Variants in DLG2 observed in about 807,000 individuals in gnomAD.
DLG2 encodes the protein disks large homolog 2.
A neutral mutation model predicts 132.5 loss-of-function variants in DLG2; 45 were observed. The ratio of observed to expected loss-of-function variants is 0.34; its 90% CI spans 0.27 to 0.44. DLG2 has a LOEUF of 0.44. Among genes scored for constraint, DLG2 ranks in the 20% least tolerant of loss-of-function variants. The pLI is 1.00. For missense variants in DLG2, 1,045 were observed against 1,196.9 expected, an observed-to-expected ratio of 0.87 and a Z score of 1.87; for synonymous variants, 424 against 419.6, an observed-to-expected ratio of 1.01 and a Z score of -0.13.
rs79267070 is a variant in DLG2, at chr11:84,739,188, T to C, written c.358-204457A>G. Among the ~76,000 whole-genome samples the C allele has an allele frequency of 6.2e-3, 938 of 152,300 alleles. 4 individuals carry two copies. The highest frequency in any genetic ancestry group is 0.01 in the Non-Finnish European group (699 of 68,008). ...AAGTTGTATATTTAAAAAAGATTCA[T>C]TTTATTATATGTAAATTCAACTCAA... is the stretch of plus-strand genomic sequence containing the variant. On this transcript the variant is annotated intron_variant, in intron 6 of 27. Transcript: ENST00000376104.
chr11:84,486,777 A>C (rs2099152133), intron 7 of DLG2, among the ~76,000 whole-genome samples: 1 of 152,150 alleles, frequency 6.6e-6, no homozygotes, highest in Non-Finnish European at 1.5e-5. Context: ...CTTTCTAATT[A>C]TACATGCATT....
At chr11:84,244,340 C>T (rs112869488) in intron 8 of DLG2, among the ~76,000 whole-genome samples, 1 of 152,096 alleles carries the variant, frequency 6.6e-6, no homozygotes, top group East Asian at 1.9e-4. Flanking sequence ...CCCACCACCA[C>T]ACCTGGGTAA....
chr11:84,003,874 C>A (rs146204589), intron 11 of DLG2, among the ~76,000 whole-genome samples: 1 of 152,180 alleles, frequency 6.6e-6, no homozygotes. Context: ...AAACATACAA[C>A]CTTCCAAGGT....
At chr11:84,229,417 G>A (rs2097058700) in intron 8 of DLG2, among the ~76,000 whole-genome samples, 1 of 152,064 alleles carries the variant, frequency 6.6e-6, no homozygotes, top group African/African-American at 2.4e-5. Context: ...AGGTCAACAG[G>A]GTCAATATTT....
intron 7 of DLG2, among the ~76,000 whole-genome samples, chr11:84,413,464 GA>G (rs1490213226): frequency 6.6e-6 from 1 of 152,158 alleles, no homozygotes; most frequent in African/African-American, 2.4e-5. Flanking sequence ...TTAAAATACA[GA>G]GACAACACTT....
At chr11:84,656,311 C>T (rs2099688168) in intron 6 of DLG2, among the ~76,000 whole-genome samples, 1 of 152,134 alleles carries the variant, frequency 6.6e-6, no homozygotes, top group Non-Finnish European at 1.5e-5. Context: ...TCTGAAAAGA[C>T]ATCCATTCGA....
chr11:84,402,318 T>C (rs1470564738), intron 7 of DLG2, among the ~76,000 whole-genome samples: 2 of 152,178 alleles, frequency 1.3e-5, no homozygotes, highest in Non-Finnish European at 2.9e-5. Context: ...AGGGCAGTTA[T>C]TGTTAAAGAA....
chr11:85,471,159 G>C (rs1252167807), intron 3 of DLG2, among the ~76,000 whole-genome samples: 1 of 152,174 alleles, frequency 6.6e-6, no homozygotes, highest in Non-Finnish European at 1.5e-5. Flanking sequence ...CATGTAGAAT[G>C]ACTTAGACTC....
At chr11:83,732,968 G>A (rs545372453) in intron 18 of DLG2, among the ~76,000 whole-genome samples, 79 of 152,102 alleles carry the variant, frequency 5.2e-4, no homozygotes, top group Non-Finnish European at 9.6e-4. Context: ...ATGGCTGGGC[G>A]CGACGGCTCA....
chr11:83,954,201 T>G (rs73509841), intron 14 of DLG2, among the ~76,000 whole-genome samples: 2,007 of 152,290 alleles, frequency 0.013, 42 homozygotes, highest in African/African-American at 0.046. Flanking sequence ...AAACAGCAGC[T>G]TAACGTGTTT....
At chr11:83,906,081 C>CTCTCTATA (rs1211208847) in intron 15 of DLG2, among the ~76,000 whole-genome samples, 1 of 96,604 alleles carries the variant, frequency 1.0e-5, no homozygotes, top group African/African-American at 4.4e-5. Flanking sequence ...CTCTCTCTCT[C>CTCTCTATA]TATATATATA....
chr11:85,613,460 T>C (rs138007130), intron 2 of DLG2, among the ~76,000 whole-genome samples: 64 of 152,180 alleles, frequency 4.2e-4, no homozygotes, highest in African/African-American at 1.5e-3. Flanking sequence ...TGTTTAGAGA[T>C]GGGATTGAGA....
chr11:83,789,740 G>T lies in DLG2; in HGVS notation c.1723-2948C>A, dbSNP rs533899451. 2.6e-5 allele frequency among the ~76,000 whole-genome samples: 4 copies of T among 152,236 alleles called. No individual in the cohort carries two copies. The South Asian group carries it at 8.3e-4, about 32-fold the overall frequency. On this transcript the variant is annotated intron_variant, in intron 17 of 27. Coordinates refer to ENST00000376104, the MANE Select transcript of DLG2 (RefSeq NM_001142699.3). The stretch of plus-strand genomic sequence containing the variant: ...TTTTTGTATTTTTAGCAGAGATGGG[G>T]TTTCACCATGTTGGCCAGGATGGTC...
chr11:85,458,884 T>C (rs1055709201), intron 3 of DLG2, among the ~76,000 whole-genome samples: 1 of 152,198 alleles, frequency 6.6e-6, no homozygotes. Flanking sequence ...CTTGGGACTC[T>C]TGGGCAGAAG....
chr11:84,131,319 T>C lies in DLG2; in HGVS notation c.624+32142A>G, dbSNP rs577563084. Among the ~76,000 whole-genome samples, 67 of 152,134 alleles carry C rather than the reference T, an allele frequency of 4.4e-4. No homozygotes were observed. In the South Asian group the frequency reaches 0.014, roughly 31 times the overall value. ...AGATAAAGTTCCAATGTTCTAATGGTAAATATGCCATAGCATCTTCTAAAG... is the reference window on the plus strand; with the variant it reads ...AGATAAAGTTCCAATGTTCTAATGGCAAATATGCCATAGCATCTTCTAAAG... On this transcript the variant is annotated intron_variant, in intron 9 of 27. Coordinates refer to ENST00000376104, the MANE Select transcript of DLG2 (RefSeq NM_001142699.3).
At chr11:85,477,193 G>A (rs1312819347) in intron 3 of DLG2, among the ~76,000 whole-genome samples, 1 of 152,046 alleles carries the variant, frequency 6.6e-6, no homozygotes, top group Non-Finnish European at 1.5e-5. Context: ...ATAAAATGTT[G>A]AACATCCTAT....
chr11:84,182,322 A>G (rs927473079), intron 8 of DLG2, among the ~76,000 whole-genome samples: 1 of 151,988 alleles, frequency 6.6e-6, no homozygotes, highest in African/African-American at 2.4e-5. Context: ...AATTGAATAC[A>G]TGATGTTTTA....
chr11:84,269,460 C>T (rs1021649394), intron 7 of DLG2, among the ~76,000 whole-genome samples: 2 of 152,182 alleles, frequency 1.3e-5, no homozygotes, highest in African/African-American at 2.4e-5. Flanking sequence ...CTGAGACAGC[C>T]TTCCATGAAG....
chr11:83,765,069 C>T (rs2094085255), intron 18 of DLG2, among the ~76,000 whole-genome samples: 1 of 152,348 alleles, frequency 6.6e-6, no homozygotes, highest in South Asian at 2.1e-4. Flanking sequence ...GACATCTCCC[C>T]TGTACCCTCA....
Sources: gnomAD v4.1 joint callset for allele counts (sites outside exome capture counted in the v4.1 genomes callset) on GRCh38, gnomAD v4.1.1 for gene constraint, MANE v1.5 for transcripts, NCBI Gene and HGNC (gene_info 2026-07-23, HGNC 2026-07-21) for gene names.